Variants in HIP1 observed in about 807,000 individuals in gnomAD.
HIP1 encodes huntingtin-interacting protein 1.
A neutral mutation model predicts 147.6 loss-of-function variants in HIP1; 65 were observed. That is an observed-to-expected ratio of 0.44 (90% confidence interval 0.36 to 0.54). HIP1 has a LOEUF of 0.54. Among genes scored for constraint, HIP1 ranks in the 20% least tolerant of loss-of-function variants. The probability of loss-of-function intolerance (pLI) is 0.00; values close to 1 mark genes in which losing one functional copy is unlikely to be tolerated. For synonymous variants in HIP1, 479 were observed against 504.0 expected, an observed-to-expected ratio of 0.95 and a Z score of 0.67; for missense variants, 1,061 against 1,299.6, an observed-to-expected ratio of 0.82 and a Z score of 2.82.
intron 1 of HIP1, chr7:75,625,711 G>A (rs1363555547): frequency 2.6e-5 from 4 of 152,158 alleles, no homozygotes; most frequent in Non-Finnish European, 5.9e-5. Flanking sequence ...CCATTGTGAT[G>A]GTATGAAGAG....
rs143239204 is a variant in HIP1, at chr7:75,643,007, G to C, written c.121-43760C>G. On this transcript the variant is annotated intron_variant, in intron 1 of 30. Coordinates refer to ENST00000336926, the MANE Select transcript of HIP1 (RefSeq NM_005338.7). ...GAAAAGCACACAACAGGCCTAGAAGGCTCTCAGTTCCTTGACGTAATTCGT... is the reference window on the plus strand; with the variant it reads ...GAAAAGCACACAACAGGCCTAGAAGCCTCTCAGTTCCTTGACGTAATTCGT... Among the ~76,000 whole-genome samples the C allele has an allele frequency of 4.7e-3, 719 of 152,300 alleles. 6 individuals carry two copies. Among genetic ancestry groups the C allele is most frequent in the African/African-American group, 0.017 (693 of 41,560 alleles).
chr7:75,584,010 G>C lies in HIP1; in HGVS notation c.466-1859C>G, dbSNP rs587597371. On this transcript the variant is annotated intron_variant, in intron 5 of 30. Coordinates refer to ENST00000336926, the MANE Select transcript of HIP1 (RefSeq NM_005338.7). The stretch of plus-strand genomic sequence containing the variant: ...GAGTCTCACTCTGTTGCCCAGGCTG[G>C]AGTGCAATGGCATGATCTCAGCTCA... 3.9e-5 allele frequency among the ~76,000 whole-genome samples: 6 copies of C among 152,098 alleles called. No individual in the cohort carries two copies. The South Asian group carries it at 8.3e-4, about 21-fold the overall frequency.
intron 13 of HIP1, 66 bp downstream of exon 13, chr7:75,561,263 C>T: frequency 8.5e-7 from 1 of 1,170,864 alleles, no homozygotes; most frequent in South Asian, 1.2e-5. Context: ...TAGTGTGATG[C>T]AAATTTAACA....
In HIP1 at chr7:75,568,007, G is replaced by C. The variant is rs587740561; in HGVS notation, c.803+192C>G. Among the ~76,000 whole-genome samples, 4 of 152,030 alleles carry C rather than the reference G, an allele frequency of 2.6e-5. No individual in the cohort carries two copies. Among genetic ancestry groups the C allele is most frequent in the African/African-American group, 9.6e-5 (4 of 41,480 alleles). ...TTACATTTTTTTTCTGTAGAGATGG[G>C]GTCTCGCTATGTTGCCCAGCCTGGT... On this transcript the variant is annotated intron_variant, in intron 9 of 30. Transcript: ENST00000336926. This position sits in a 1 kb window ranked among gnomAD's most constrained non-coding sequence, Gnocchi z 4.1.
chr7:75,566,386 C>T (rs587676829), intron 9 of HIP1, among the ~76,000 whole-genome samples: 1 of 151,584 alleles, frequency 6.6e-6, no homozygotes, highest in East Asian at 1.9e-4. Flanking sequence ...TTCCTTGCAG[C>T]GCAGGGCTAC....
chr7:75,703,310 T>C (rs1186659924), intron 1 of HIP1, among the ~76,000 whole-genome samples: 1 of 151,532 alleles, frequency 6.6e-6, no homozygotes, highest in East Asian at 1.9e-4. Context: ...ATCATGCCAC[T>C]GCACTCCAGC....
intron 1 of HIP1, among the ~76,000 whole-genome samples, chr7:75,700,512 T>G (rs1800791510): frequency 6.6e-6 from 1 of 152,098 alleles, no homozygotes; most frequent in Non-Finnish European, 1.5e-5. Context: ...AGAGTCTCCA[T>G]GAGGGTGGGA....
chr7:75,635,281 G>A (rs1554509496), intron 1 of HIP1, among the ~76,000 whole-genome samples: 1 of 152,058 alleles, frequency 6.6e-6, no homozygotes, highest in Non-Finnish European at 1.5e-5. Flanking sequence ...AAATCACCAG[G>A]CCTGGGAGAA....
intron 1 of HIP1, among the ~76,000 whole-genome samples, chr7:75,648,541 G>A (rs782640873): frequency 5.3e-5 from 8 of 152,062 alleles, no homozygotes; most frequent in Non-Finnish European, 1.2e-4. Context: ...CAGATTTGAC[G>A]TCGCAGGGGA....
At chr7:75,632,309 G>A (rs1487672322) in intron 1 of HIP1, among the ~76,000 whole-genome samples, 5 of 152,102 alleles carry the variant, frequency 3.3e-5, no homozygotes, top group African/African-American at 9.7e-5. Flanking sequence ...GTATGTGAGT[G>A]AATTGAATGG....
At chr7:75,581,320 G>C in intron 6 of HIP1, 22 bp from the exon 7 acceptor site, 1 of 1,599,674 alleles carries the variant, frequency 6.3e-7, no homozygotes. Flanking sequence ...AGGAAAGAGA[G>C]CTTACACTCC....
chr7:75,625,226 A>T (rs1403895306), intron 1 of HIP1: 3 of 152,060 alleles, frequency 2.0e-5, no homozygotes, highest in African/African-American at 7.2e-5. Flanking sequence ...TTTTATAGAG[A>T]TGGGGTCTCA....
Position 75,673,286 on chromosome 7 carries a change from G to A in HIP1, c.120+65515C>T, listed in dbSNP as rs1050362995. 2.0e-5 allele frequency among the ~76,000 whole-genome samples: 3 copies of A among 152,072 alleles called. No homozygotes were observed. In the East Asian group the frequency reaches 5.8e-4, roughly 29 times the overall value. On this transcript the variant is annotated intron_variant, in intron 1 of 30. Coordinates refer to ENST00000336926, the MANE Select transcript of HIP1 (RefSeq NM_005338.7). ...GATCTGCCTGCCTCGGCCTCCCAAA[G>A]TGCTGGGATTACAGGGGTGAACCAC...
intron 1 of HIP1, among the ~76,000 whole-genome samples, chr7:75,640,518 G>A (rs1348116446): frequency 6.6e-6 from 1 of 152,180 alleles, no homozygotes; most frequent in African/African-American, 2.4e-5. Context: ...TTGGGAGGCT[G>A]AGGCAGGCAG....
intron 1 of HIP1, among the ~76,000 whole-genome samples, chr7:75,654,058 A>G (rs537730544): frequency 3.3e-5 from 5 of 152,272 alleles, no homozygotes; most frequent in East Asian, 1.9e-4. Context: ...AGGGGCACTT[A>G]CAGAGCACTA....
Position 75,738,800 on chromosome 7 carries a change from C to A in HIP1, c.120+1G>T. 1.2e-6 allele frequency: 2 copies of A among 1,602,132 alleles called. No individual in the cohort carries two copies. The highest frequency in any genetic ancestry group is 8.5e-7 in the Non-Finnish European group (1 of 1,176,178). ...GATGCCCCGGGGTCCCCCGTCCTCA[C>A]CTGAGTCCGCTCGAAGCTCTCGCGC... is the stretch of plus-strand genomic sequence containing the variant. On this transcript the variant is annotated splice_donor_variant, in intron 1 of 30. Transcript: ENST00000336926. LOFTEE classifies it high-confidence loss of function.
intron 5 of HIP1, among the ~76,000 whole-genome samples, chr7:75,583,302 C>G (rs587685508): frequency 3.3e-5 from 5 of 152,222 alleles, no homozygotes; most frequent in South Asian, 2.1e-4. Flanking sequence ...TCCTTGTCAT[C>G]GGCTCTGCAC....
intron 1 of HIP1, among the ~76,000 whole-genome samples, chr7:75,702,654 G>A (rs922601637): frequency 6.6e-6 from 1 of 152,168 alleles, no homozygotes; most frequent in East Asian, 1.9e-4. Context: ...GCTTGCTTCC[G>A]CTCATGGCTG....
chr7:75,663,971 TACAC>T lies in HIP1; in HGVS notation c.121-64728_121-64725del, dbSNP rs1164247966. On this transcript the variant is annotated intron_variant, in intron 1 of 30. Coordinates refer to ENST00000336926, the MANE Select transcript of HIP1 (RefSeq NM_005338.7). ...ATACACATATATGTGTATATATATA[TACAC>T]ATATATGTGTATATATATACACATA... Among the ~76,000 whole-genome samples the T allele has an allele frequency of 1.6e-4, 2 of 12,402 alleles. 1 individual carries two copies. Among genetic ancestry groups the T allele is most frequent in the East Asian group, 4.3e-3 (2 of 464 alleles). The allele number at this position is 12,402 out of a possible 152,430, so 8.1% of individuals were successfully genotyped here. A position where few individuals can be genotyped will look rare whatever the true frequency, so the allele number is the denominator to read the frequency against.
Sources: gnomAD v4.1 joint callset for allele counts (sites outside exome capture counted in the v4.1 genomes callset) on GRCh38, gnomAD v4.1.1 for gene constraint, Gnocchi (gnomAD v3.1) non-coding constraint, MANE v1.5 for transcripts, NCBI Gene and HGNC (gene_info 2026-07-23, HGNC 2026-07-21) for gene names.